Variants in CTSD observed in about 807,000 individuals in gnomAD.
CTSD encodes the protein ceroid-lipofuscinosis, neuronal 10.
Under a neutral mutation model 43.6 loss-of-function variants are expected in CTSD, and 28 were observed. The observed-to-expected ratio is 0.64, with a 90% CI of 0.48 to 0.88. CTSD has a LOEUF of 0.88. Among genes scored for constraint, CTSD ranks in the 40% least tolerant of loss-of-function variants. The pLI is 0.00. For synonymous variants in CTSD, 270 were observed against 249.8 expected, an observed-to-expected ratio of 1.08 and a Z score of -0.76; for missense variants, 485 against 555.2, an observed-to-expected ratio of 0.87 and a Z score of 1.27.
At chr11:1,761,959 C>T (rs551627751) in intron 1 of CTSD, 12 of 194,776 alleles carry the variant, frequency 6.2e-5, no homozygotes, top group Admixed American at 1.1e-4. Flanking sequence ...GACACCTGCA[C>T]GAAGGTGGCC....
rs1439111867 is a variant in CTSD at position 1,753,521 on chromosome 11, G to A, written c.1221C>T (p.Ala407=). The change falls in exon 9 of 9, where the codon GCC becomes GCT. Residue 407 remains alanine, a synonymous_variant. Transcript: ENST00000236671. ...TTGGGAACTAGAGGCGGGCAGCCTC[G>A]GCGAAGCCCACCCTGTTGTTGTCAC... The part of the protein sequence containing the change: ...FDRDNNRVGF[A]EAARL 8.7e-6 allele frequency: 14 copies of A among 1,612,844 alleles called. No homozygotes were observed. The highest frequency in any genetic ancestry group is 8.3e-5 in the Admixed American group (5 of 60,006).
At chr11:1,756,239 T>C (rs1845808120) in intron 5 of CTSD, among the ~76,000 whole-genome samples, 1 of 152,054 alleles carries the variant, frequency 6.6e-6, no homozygotes, top group Admixed American at 6.5e-5. Context: ...CACTCATGCC[T>C]GCATGCCCTC....
chr11:1,763,774 C>T lies in CTSD; in HGVS notation c.68+18G>A. 1 of 1,522,678 alleles carries T rather than the reference C, an allele frequency of 6.6e-7. No individual in the cohort carries two copies. Among genetic ancestry groups the T allele is most frequent in the Non-Finnish European group, 8.8e-7 (1 of 1,141,648 alleles). 94.3% of individuals were successfully genotyped at this position (1,522,678 alleles called of 1,614,324 possible). On this transcript the variant is annotated intron_variant, in intron 1 of 8. Transcript: ENST00000236671. ...GCGACCCCTGCCCGTCCCTGAGCCC[C>T]GGCCCCTGAGGCTTCACCTGACGAG...
intron 5 of CTSD, among the ~76,000 whole-genome samples, chr11:1,756,040 C>T (rs923929962): frequency 2.6e-5 from 4 of 151,792 alleles, no homozygotes; most frequent in Non-Finnish European, 5.9e-5. Context: ...TGGGCACTCA[C>T]TCTGTGTGCC....
intron 1 of CTSD, 177 bp downstream of exon 1, chr11:1,763,615 G>T (rs937474562): frequency 5.3e-6 from 3 of 563,994 alleles, no homozygotes; most frequent in Non-Finnish European, 8.8e-6. Context: ...GGAGCCCGGC[G>T]CCCCGTAGGC....
intron 3 of CTSD, 75 bp from the exon 4 acceptor site, chr11:1,759,162 C>T: frequency 8.5e-7 from 1 of 1,180,584 alleles, no homozygotes; most frequent in Non-Finnish European, 1.3e-6. Flanking sequence ...CATCCCCCTA[C>T]AATCTACCAT....
rs551607350 is a variant in CTSD, at chr11:1,753,363, C to T, written c.*140G>A. ...CCACAGAACAAAACAGCAAGTCGGG[C>T]TTGGGCCGCCGGCTTCCAGGGCGCC... On this transcript the variant is annotated 3_prime_UTR_variant, in exon 9 of 9. Coordinates refer to ENST00000236671, the MANE Select transcript of CTSD (RefSeq NM_001909.5). The T allele has an allele frequency of 2.0e-6, 2 of 1,007,902 alleles. No individual in the cohort carries two copies. Among genetic ancestry groups the T allele is most frequent in the East Asian group, 4.9e-5 (2 of 41,222 alleles). 62.4% of individuals were successfully genotyped at this position (1,007,902 alleles called of 1,614,324 possible). A position where few individuals can be genotyped will look rare whatever the true frequency, so the allele number is the denominator to read the frequency against.
In CTSD at chr11:1,761,649, C is replaced by T. The variant is rs190818924; in HGVS notation, c.69-181G>A. 2.3e-5 allele frequency: 16 copies of T among 697,796 alleles called. No individual in the cohort carries two copies. The Admixed American group carries it at 2.5e-4, about 11-fold the overall frequency. The allele number at this position is 697,796 out of a possible 1,614,324, so 43.2% of individuals were successfully genotyped here. A position where few individuals can be genotyped will look rare whatever the true frequency, so the allele number is the denominator to read the frequency against. On this transcript the variant is annotated intron_variant, in intron 1 of 8. Transcript: ENST00000236671. ...CTCCCCCAAGTCAGTGAATGGCAACCCATTGCCCCCCGCCAGGTTGCACAG... is the reference window on the plus strand; with the variant it reads ...CTCCCCCAAGTCAGTGAATGGCAACTCATTGCCCCCCGCCAGGTTGCACAG...
chr11:1,754,171 G>C, intron 6 of CTSD, 33 bp from the exon 7 acceptor site: 1 of 1,598,574 alleles, frequency 6.3e-7, no homozygotes, highest in Non-Finnish European at 8.5e-7. Flanking sequence ...GCCCCTGCCG[G>C]GACTGGAGTG....
In CTSD at chr11:1,755,027, C is replaced by G; in HGVS notation, c.706G>C (p.Asp236His). ...TCACCCCCAGGCTGCGCATCTGGGTCCCTAGGAGGAAAAGGGAGGAGTCAG... is the reference window on the plus strand; with the variant it reads ...TCACCCCCAGGCTGCGCATCTGGGTGCCTAGGAGGAAAAGGGAGGAGTCAG... ...QNIFSFYLSR[D>H]PDAQPGGELM... The change falls in exon 6 of 9, where the codon GAC becomes CAC. Residue 236 changes from aspartate (D) to histidine (H), a missense_variant and splice_region_variant. Physicochemically the swap from Asp to His is moderately conservative, Grantham distance 81. Transcript: ENST00000236671. 1 of 1,613,782 alleles carries G rather than the reference C, an allele frequency of 6.2e-7. No homozygotes were observed.
At chr11:1,761,744 G>A (rs2133666754) in intron 1 of CTSD, 2 of 532,298 alleles carry the variant, frequency 3.8e-6, no homozygotes, top group African/African-American at 1.9e-5. Context: ...GGGCCAGTGT[G>A]CCCAACCCTC....
intron 2 of CTSD, chr11:1,760,920 C>A (rs535989060): frequency 3.1e-6 from 1 of 319,974 alleles, no homozygotes; most frequent in Non-Finnish European, 6.2e-6. Context: ...GGGGCTGTTG[C>A]GAGAGGAAGA....
At position 1,761,295 on chromosome 11, in the gene CTSD, G is replaced by T. The variant is rs1845872918; in HGVS notation, c.228+14C>A. 6.2e-7 allele frequency: 1 copy of T among 1,613,442 alleles called. No homozygotes were observed. Among genetic ancestry groups the T allele is most frequent in the African/African-American group, 1.3e-5 (1 of 74,948 alleles). ...GTGGCTCCGCTTGCAGCAGGGCTAAGACCTCATACTCACGTCCATGTAGTT... is the reference window on the plus strand; with the variant it reads ...GTGGCTCCGCTTGCAGCAGGGCTAATACCTCATACTCACGTCCATGTAGTT... On this transcript the variant is annotated intron_variant, in intron 2 of 8. Coordinates refer to ENST00000236671, the MANE Select transcript of CTSD (RefSeq NM_001909.5).
chr11:1,759,494 G>T, intron 3 of CTSD, 22 bp downstream of exon 3: 1 of 1,612,668 alleles, frequency 6.2e-7, no homozygotes, highest in Non-Finnish European at 8.5e-7. Flanking sequence ...CCTGGGCGAC[G>T]GGGCCAGGGT....
chr11:1,762,738 T>A (rs1845897216), intron 1 of CTSD, among the ~76,000 whole-genome samples: 1 of 152,064 alleles, frequency 6.6e-6, no homozygotes, highest in Non-Finnish European at 1.5e-5. Context: ...CTGTCCTCCT[T>A]GGAGAGGGGA....
intron 1 of CTSD, 61 bp downstream of exon 1, chr11:1,763,731 C>T (rs953317945): frequency 1.2e-4 from 172 of 1,439,414 alleles, no homozygotes; most frequent in Admixed American, 7.2e-4. Context: ...TCACCACAGG[C>T]CCCGGGACCT....
At chr11:1,756,874 G>A (rs55797351) in intron 5 of CTSD, among the ~76,000 whole-genome samples, 9,550 of 152,202 alleles carry the variant, frequency 0.063, 348 homozygotes, top group Middle Eastern at 0.12. Flanking sequence ...GGACCCATAC[G>A]CACCCAAGGT....
intron 5 of CTSD, among the ~76,000 whole-genome samples, chr11:1,756,549 C>A (rs1191101469): frequency 6.6e-6 from 1 of 152,198 alleles, no homozygotes; most frequent in African/African-American, 2.4e-5. Flanking sequence ...GGGGCAGTGA[C>A]CAGGCGCAGC....
intron 6 of CTSD, 46 bp downstream of exon 6, chr11:1,754,860 C>G (rs376512622): frequency 6.2e-7 from 1 of 1,612,240 alleles, no homozygotes; most frequent in East Asian, 2.2e-5. Context: ...CCGCACACCG[C>G]CCCCGCCCAC....
Sources: allele counts gnomAD v4.1 joint callset (sites outside exome capture counted in the v4.1 genomes callset), GRCh38; gene constraint gnomAD v4.1.1; transcripts MANE v1.5; gene names NCBI Gene and HGNC (gene_info 2026-07-23, HGNC 2026-07-21).